MAML1: variants seen among roughly 807,000 people sequenced by gnomAD.
The protein encoded by MAML1 is mastermind like transcriptional coactivator 1, also known as mastermind-like protein 1.
A neutral mutation model predicts 77.1 loss-of-function variants in MAML1; 14 were observed. The ratio of observed to expected loss-of-function variants is 0.18; its 90% CI spans 0.12 to 0.28. The LOEUF (loss-of-function observed/expected upper bound fraction) is 0.28, where lower values mean the gene tolerates loss of function less well. Among genes scored for constraint, MAML1 ranks in the 10% least tolerant of loss-of-function variants. The pLI is 1.00. For missense variants in MAML1, 1,217 were observed against 1,327.8 expected (o/e 0.92, Z 1.30); for synonymous variants, 516 against 551.9 (o/e 0.93, Z 0.91).
rs374990321 is a variant in MAML1, at chr5:179,771,255, C to G, written c.2068+12C>G. 2 of 1,612,656 alleles carry G rather than the reference C, an allele frequency of 1.2e-6. No homozygotes were observed. Among genetic ancestry groups the G allele is most frequent in the African/African-American group, 2.7e-5 (2 of 74,914 alleles). ...TGGACAGTTCACAGGTAGGGGGTGT[C>G]TGTGTGACGAGCAGGGACAGGGGAG... On this transcript the variant is annotated intron_variant, in intron 4 of 4. Coordinates refer to ENST00000292599, the MANE Select transcript of MAML1 (RefSeq NM_014757.5). This position sits in a 1 kb window ranked among gnomAD's most constrained non-coding sequence, Gnocchi z 4.7.
At chr5:179,752,993 G>A (rs2113355473) in intron 1 of MAML1, among the ~76,000 whole-genome samples, 1 of 152,230 alleles carries the variant, frequency 6.6e-6, no homozygotes, top group South Asian at 2.1e-4. Flanking sequence ...GGCTGGTCTT[G>A]AACTCCTGAC....
Position 179,771,972 on chromosome 5 carries a change from T to G in MAML1, c.2068+729T>G, listed in dbSNP as rs535632608. ...GGTACGGTTTTATGTATGTGCTACCTGGGGTCAACGTGGGGTTGAAATCTG... is the reference window on the plus strand; with the variant it reads ...GGTACGGTTTTATGTATGTGCTACCGGGGGTCAACGTGGGGTTGAAATCTG... On this transcript the variant is annotated intron_variant, in intron 4 of 4. Coordinates refer to ENST00000292599, the MANE Select transcript of MAML1 (RefSeq NM_014757.5). The surrounding 1 kb of genome is among the most constrained non-coding windows in gnomAD (Gnocchi z 4.7). Among the ~76,000 whole-genome samples, 281 of 152,342 alleles carry G rather than the reference T, an allele frequency of 1.8e-3. 4 individuals carry two copies. Among genetic ancestry groups the G allele is most frequent in the Non-Finnish European group, 3.2e-3 (219 of 68,024 alleles).
intron 1 of MAML1, among the ~76,000 whole-genome samples, chr5:179,752,336 A>ATATATAT (rs1779506953): frequency 4.7e-5 from 3 of 63,920 alleles, no homozygotes; most frequent in Admixed American, 2.6e-4. Context: ...AAAAAAAAAA[A>ATATATAT]AAAAAAAAAA....
At position 179,775,930 on chromosome 5, in the gene MAML1, C is replaced by G; in HGVS notation, c.*1053C>G. 1.0e-6 allele frequency: 1 copy of G among 985,704 alleles called. No homozygotes were observed. Among genetic ancestry groups the G allele is most frequent in the Non-Finnish European group, 1.2e-6 (1 of 829,946 alleles). The allele number at this position is 985,704 out of a possible 1,614,324, so 61.1% of individuals were successfully genotyped here. A position where few individuals can be genotyped will look rare whatever the true frequency, so the allele number is the denominator to read the frequency against. ...AGCATAAAGGTTTTGGGGAAGGAGG[C>G]CGTAGGCCGGCCCGGAGGAAGCAAT... On this transcript the variant is annotated 3_prime_UTR_variant, in exon 5 of 5. Transcript: ENST00000292599.
chr5:179,742,395 A>G (rs1779300116), intron 1 of MAML1, among the ~76,000 whole-genome samples: 2 of 152,084 alleles, frequency 1.3e-5, no homozygotes, highest in Middle Eastern at 3.4e-3. Flanking sequence ...AGGCTGAGGC[A>G]GGGGAATCCC....
Position 179,776,678 on chromosome 5 carries a change from C to G in MAML1, c.*1801C>G, listed in dbSNP as rs962318857. On this transcript the variant is annotated 3_prime_UTR_variant, in exon 5 of 5. Transcript: ENST00000292599. ...AGGCTGGTTGTGGATCCTTGTTCCT[C>G]TCCTGACCCCATCTGGCTGCTGCCC... 1 of 985,752 alleles carries G rather than the reference C, an allele frequency of 1.0e-6. No homozygotes were observed. The highest frequency in any genetic ancestry group is 1.2e-6 in the Non-Finnish European group (1 of 830,002). The allele number at this position is 985,752 out of a possible 1,614,324, so 61.1% of individuals were successfully genotyped here.
rs766129941 is a variant in MAML1, at chr5:179,765,674, G to A, written c.664G>A (p.Glu222Lys). The change falls in exon 2 of 5, where the codon GAA (glutamate) becomes AAA (lysine). Residue 222 changes from glutamate (E) to lysine (K), a missense_variant. By Grantham distance (56) the Glu-to-Lys change is moderately conservative. This residue lies in a region of MAML1 where 312 missense variants were observed against 331.4 expected (regional missense o/e 0.94). Coordinates refer to ENST00000292599, the MANE Select transcript of MAML1 (RefSeq NM_014757.5). ...TAAAGAACTGAAGCAGGAGCCTGTCGAAGACCTGCCTTGCATGATCACTGG... is the reference window on the plus strand; with the variant it reads ...TAAAGAACTGAAGCAGGAGCCTGTCAAAGACCTGCCTTGCATGATCACTGG... ...LNKELKQEPV[E>K]DLPCMITGTV... The A allele has an allele frequency of 9.3e-6, 15 of 1,614,056 alleles. No homozygotes were observed. The African/African-American group carries it at 1.3e-4, about 14-fold the overall frequency.
intron 1 of MAML1, among the ~76,000 whole-genome samples, chr5:179,761,934 A>G (rs1188397049): frequency 6.6e-6 from 1 of 152,088 alleles, no homozygotes; most frequent in African/African-American, 2.4e-5. Flanking sequence ...TGCTGGCTCT[A>G]AGGGGTGGGA....
intron 3 of MAML1, among the ~76,000 whole-genome samples, chr5:179,770,085 A>G (rs778230438): frequency 6.6e-6 from 1 of 152,110 alleles, no homozygotes; most frequent in Non-Finnish European, 1.5e-5. Flanking sequence ...AACAAATCCC[A>G]TACCCATGAG....
chr5:179,773,190 C>G lies in MAML1; in HGVS notation c.2069-705C>G, dbSNP rs144728564. On this transcript the variant is annotated intron_variant, in intron 4 of 4. Transcript: ENST00000292599. ...GAACCACCGCGCCCGGCCACAACCCCGTTCTTCACACGCCATCCACAGCTC... is the reference window on the plus strand; with the variant it reads ...GAACCACCGCGCCCGGCCACAACCCGGTTCTTCACACGCCATCCACAGCTC... 6.2e-3 allele frequency among the ~76,000 whole-genome samples: 943 copies of G among 152,272 alleles called. 9 individuals are homozygous for G. Among genetic ancestry groups the G allele is most frequent in the African/African-American group, 0.021 (876 of 41,546 alleles).
chr5:179,761,208 A>G (rs1779719915), intron 1 of MAML1, among the ~76,000 whole-genome samples: 1 of 151,592 alleles, frequency 6.6e-6, no homozygotes, highest in African/African-American at 2.4e-5. Flanking sequence ...AGCCTGGACA[A>G]CATAGTGAGA....
rs1049333546 is a variant in MAML1 at position 179,773,867 on chromosome 5, G to C, written c.2069-28G>C. On this transcript the variant is annotated intron_variant, in intron 4 of 4. Transcript: ENST00000292599. ...AGGGACCCAGTGGTGGTCGACTCCT[G>C]ACTGCCAGACTCTTCTCTGTCTTGT... 5 of 1,588,634 alleles carry C rather than the reference G, an allele frequency of 3.1e-6. No homozygotes were observed. In the African/African-American group the frequency reaches 6.7e-5, roughly 21 times the overall value.
Position 179,775,726 on chromosome 5 carries a change from T to C in MAML1, c.*849T>C, listed in dbSNP as rs1406243421. The stretch of plus-strand genomic sequence containing the variant: ...TGTCTCCCCACCTTCTGCAGTTTTC[T>C]CTGAACATGTATGTTGCCCATGGTG... On this transcript the variant is annotated 3_prime_UTR_variant, in exon 5 of 5. Transcript: ENST00000292599. 1.0e-6 allele frequency: 1 copy of C among 985,398 alleles called. No homozygotes were observed. The highest frequency in any genetic ancestry group is 1.2e-6 in the Non-Finnish European group (1 of 829,978). 61.0% of individuals were successfully genotyped at this position (985,398 alleles called of 1,614,324 possible). A position where few individuals can be genotyped will look rare whatever the true frequency, so the allele number is the denominator to read the frequency against.
chr5:179,740,999 T>C (rs1779273960), intron 1 of MAML1, among the ~76,000 whole-genome samples: 1 of 152,220 alleles, frequency 6.6e-6, no homozygotes. Context: ...TCCAGATCTG[T>C]CTTCCAGATT....
rs187129782 is a variant in MAML1 at position 179,769,176 on chromosome 5, G to T, written c.1971+87G>T. 2 of 1,557,554 alleles carry T rather than the reference G, an allele frequency of 1.3e-6. No individual in the cohort carries two copies. Among genetic ancestry groups the T allele is most frequent in the Non-Finnish European group, 8.7e-7 (1 of 1,146,718 alleles). On this transcript the variant is annotated intron_variant, in intron 3 of 4. Transcript: ENST00000292599. The surrounding 1 kb of genome is among the most constrained non-coding windows in gnomAD (Gnocchi z 4.2). ...CTACAGTCACACCTTCTGCTTGTGC[G>T]TGTGGATTTGCGCAGACTTGCGTGC...
intron 1 of MAML1, among the ~76,000 whole-genome samples, chr5:179,754,094 G>T (rs531585079): frequency 6.6e-6 from 1 of 152,126 alleles, no homozygotes; most frequent in East Asian, 1.9e-4. Context: ...GAGCAGTCTG[G>T]GTAATATGGT....
chr5:179,752,199 G>A (rs1779501475), intron 1 of MAML1, among the ~76,000 whole-genome samples: 1 of 150,540 alleles, frequency 6.6e-6, no homozygotes, highest in Non-Finnish European at 1.5e-5. Context: ...GGTGGCGCAC[G>A]CCTGTAGTCC....
chr5:179,771,846 C>T lies in MAML1; in HGVS notation c.2068+603C>T, dbSNP rs748792604. Among the ~76,000 whole-genome samples the T allele has an allele frequency of 1.3e-5, 2 of 152,098 alleles. No homozygotes were observed. Among genetic ancestry groups the T allele is most frequent in the African/African-American group, 2.4e-5 (1 of 41,414 alleles). Reference sequence around the variant, plus strand: ...TCTGGTCTGCCCGCCTTCCTAGCTCCTCTCAGAATGTCTTAGAAACCTCTG... The same window carrying T: ...TCTGGTCTGCCCGCCTTCCTAGCTCTTCTCAGAATGTCTTAGAAACCTCTG... On this transcript the variant is annotated intron_variant, in intron 4 of 4. Transcript: ENST00000292599. The surrounding 1 kb of genome is among the most constrained non-coding windows in gnomAD (Gnocchi z 4.7).
chr5:179,766,270 G>A lies in MAML1; in HGVS notation c.1260G>A (p.Pro420=), dbSNP rs770194836. The part of the protein sequence containing the change: ...QMLQNPQQAT[P]APAPGQMSTW... ...TCCAGAACCCACAGCAGGCCACCCC[G>A]GCACCAGCCCCGGGCCAGATGTCCA... The change falls in exon 2 of 5, where the codon CCG becomes CCA. Residue 420 remains proline, a synonymous_variant. Transcript: ENST00000292599. The surrounding 1 kb of genome is among the most constrained non-coding windows in gnomAD (Gnocchi z 4.0). 17 of 1,613,508 alleles carry A rather than the reference G, an allele frequency of 1.1e-5. No individual in the cohort carries two copies. The highest frequency in any genetic ancestry group is 4.0e-5 in the African/African-American group (3 of 74,796).
Sources: allele counts gnomAD v4.1 joint callset (sites outside exome capture counted in the v4.1 genomes callset), GRCh38; gene constraint gnomAD v4.1.1; regional missense constraint gnomAD v4.1.1; non-coding constraint Gnocchi (gnomAD v3.1); transcripts MANE v1.5; gene names NCBI Gene and HGNC (gene_info 2026-07-23, HGNC 2026-07-21).